KIF6: variants seen among roughly 807,000 people sequenced by gnomAD.
KIF6 encodes the protein kinesin family member 6.
A neutral mutation model predicts 112.7 loss-of-function variants in KIF6; 106 were observed. That is an observed-to-expected ratio of 0.94 (90% CI 0.80 to 1.11). The LOEUF is 1.11. Among genes scored for constraint, KIF6 ranks in the 50% least tolerant of loss-of-function variants. KIF6 has a pLI of 0.00. For missense variants in KIF6, 929 were observed against 964.0 expected (o/e 0.96, Z 0.48); for synonymous variants, 339 against 339.9 (o/e 1.00, Z 0.03).
intron 17 of KIF6, 73 bp downstream of exon 17, chr6:39,362,351 GCTGCAGCCCT>G: frequency 9.8e-7 from 1 of 1,017,730 alleles, no homozygotes; most frequent in Non-Finnish European, 1.6e-6. Flanking sequence ...TCCCTGAGTA[GCTGCAGCCCT>G]GGGAAGCTCC....
At chr6:39,490,269 G>A (rs1167170957) in intron 13 of KIF6, among the ~76,000 whole-genome samples, 1 of 152,228 alleles carries the variant, frequency 6.6e-6, no homozygotes. Flanking sequence ...GATCCATGCA[G>A]CAGAAGGCTC....
chr6:39,681,064 TA>T (rs1313036633), intron 3 of KIF6, among the ~76,000 whole-genome samples: 1 of 151,994 alleles, frequency 6.6e-6, no homozygotes, highest in Non-Finnish European at 1.5e-5. Flanking sequence ...CTTCAAAAAG[TA>T]ATTCAATGCT....
intron 3 of KIF6, among the ~76,000 whole-genome samples, chr6:39,694,848 C>G (rs2113815391): frequency 6.6e-6 from 1 of 152,084 alleles, no homozygotes. Flanking sequence ...CAAAAAAAAG[C>G]TCAAAGAGTC....
At chr6:39,614,495 T>C (rs1783401350) in intron 5 of KIF6, among the ~76,000 whole-genome samples, 3 of 152,202 alleles carry the variant, frequency 2.0e-5, no homozygotes, top group Admixed American at 1.3e-4. Flanking sequence ...TCTTTCCCTT[T>C]TGTAAGAAAG....
At chr6:39,682,185 A>T (rs1444855207) in intron 3 of KIF6, among the ~76,000 whole-genome samples, 1 of 152,230 alleles carries the variant, frequency 6.6e-6, no homozygotes, top group Non-Finnish European at 1.5e-5. Flanking sequence ...AAGTACTGTT[A>T]TGCATCGCTA....
At chr6:39,549,969 G>A (rs1779278314) in intron 10 of KIF6, among the ~76,000 whole-genome samples, 1 of 152,136 alleles carries the variant, frequency 6.6e-6, no homozygotes, top group African/African-American at 2.4e-5. Flanking sequence ...CATGAGGGAA[G>A]GGAGAGAGGG....
intron 13 of KIF6, among the ~76,000 whole-genome samples, chr6:39,521,626 A>C (rs1777407719): frequency 6.6e-6 from 1 of 152,126 alleles, no homozygotes; most frequent in Non-Finnish European, 1.5e-5. Flanking sequence ...GATAATTTCC[A>C]ACCTCTTCCC....
chr6:39,662,506 A>C (rs1374796706), intron 3 of KIF6, among the ~76,000 whole-genome samples: 1 of 152,230 alleles, frequency 6.6e-6, no homozygotes, highest in Non-Finnish European at 1.5e-5. Flanking sequence ...CTATTCTTAT[A>C]TAATAACTAA....
chr6:39,451,822 C>G (rs547847447), intron 13 of KIF6, among the ~76,000 whole-genome samples: 87 of 152,282 alleles, frequency 5.7e-4, no homozygotes, highest in African/African-American at 2.0e-3. Flanking sequence ...TGAATACTTA[C>G]TGTGTCTGGC....
At chr6:39,572,717 A>G (rs1308263430) in intron 10 of KIF6, among the ~76,000 whole-genome samples, 1 of 146,228 alleles carries the variant, frequency 6.8e-6, no homozygotes, top group Non-Finnish European at 1.5e-5. Flanking sequence ...TTAGAGACTC[A>G]ATCACAATCA....
chr6:39,425,839 C>G (rs1239527701), intron 14 of KIF6, among the ~76,000 whole-genome samples: 1 of 150,206 alleles, frequency 6.7e-6, no homozygotes, highest in African/African-American at 2.5e-5. Flanking sequence ...AAATGAAAGT[C>G]TAATGGGAGC....
intron 13 of KIF6, among the ~76,000 whole-genome samples, chr6:39,534,209 G>A (rs1268723349): frequency 5.3e-5 from 8 of 152,114 alleles, no homozygotes; most frequent in Non-Finnish European, 1.0e-4. Flanking sequence ...AAAGCTGGAC[G>A]GAGAATGACT....
intron 13 of KIF6, among the ~76,000 whole-genome samples, chr6:39,498,310 T>A (rs1056631491): frequency 6.6e-6 from 1 of 152,214 alleles, no homozygotes; most frequent in Non-Finnish European, 1.5e-5. Context: ...TGTTGATAAT[T>A]TTAAAGCTCA....
chr6:39,613,297 A>G lies in KIF6; in HGVS notation c.531T>C (p.Asp177=). The part of the protein sequence containing the change: ...EDLPKVTILE[D]PDQNIHLKNL... ...TTTTCAGGTGAATGTTCTGATCAGGATCCTCCAGTATTGTCACTTTCCTAA... is the reference window on the plus strand; with the variant it reads ...TTTTCAGGTGAATGTTCTGATCAGGGTCCTCCAGTATTGTCACTTTCCTAA... The change falls in exon 6 of 23, where the codon GAT becomes GAC. Residue 177 remains aspartate (D), a synonymous_variant. Coordinates refer to ENST00000287152, the MANE Select transcript of KIF6 (RefSeq NM_145027.6). 6.3e-7 allele frequency: 1 copy of G among 1,594,820 alleles called. No individual in the cohort carries two copies. The highest frequency in any genetic ancestry group is 8.5e-7 in the Non-Finnish European group (1 of 1,172,010).
chr6:39,454,538 A>C (rs995416304), intron 13 of KIF6, among the ~76,000 whole-genome samples: 11 of 151,490 alleles, frequency 7.3e-5, no homozygotes, highest in Non-Finnish European at 7.4e-5. Flanking sequence ...CATCAAAAAA[A>C]AAAAAAAAAA....
chr6:39,596,546 G>A (rs1782279719), intron 6 of KIF6, among the ~76,000 whole-genome samples: 1 of 152,136 alleles, frequency 6.6e-6, no homozygotes, highest in African/African-American at 2.4e-5. Context: ...TTCATTACCT[G>A]TCTATAATCC....
chr6:39,549,714 G>C (rs11752175), intron 10 of KIF6, among the ~76,000 whole-genome samples: 37,095 of 152,034 alleles, frequency 0.24, 5,742 homozygotes, highest in African/African-American at 0.42. Flanking sequence ...CCCATGACTT[G>C]TAACGGCAAA....
chr6:39,483,731 T>C (rs1774948311), intron 13 of KIF6, among the ~76,000 whole-genome samples: 1 of 152,160 alleles, frequency 6.6e-6, no homozygotes, highest in African/African-American at 2.4e-5. Flanking sequence ...CAAGGACTGT[T>C]ACTATAATAT....
intron 13 of KIF6, among the ~76,000 whole-genome samples, chr6:39,461,956 C>T (rs1773505779): frequency 6.6e-6 from 1 of 151,702 alleles, no homozygotes; most frequent in Admixed American, 6.6e-5. Flanking sequence ...CTTTTTATTG[C>T]TTCCATTTTA....
Sources: gnomAD v4.1 joint callset for allele counts (sites outside exome capture counted in the v4.1 genomes callset) on GRCh38, gnomAD v4.1.1 for gene constraint, MANE v1.5 for transcripts, NCBI Gene and HGNC (gene_info 2026-07-23, HGNC 2026-07-21) for gene names.